The following STXBP4 variants were observed in gnomAD, a reference collection of about 807,000 sequenced individuals.
The protein encoded by STXBP4 is syntaxin binding protein 4, also known as syntaxin-binding protein 4.
A neutral mutation model predicts 76.1 loss-of-function variants in STXBP4; 55 were observed. That is an observed-to-expected ratio of 0.72 (90% CI 0.58 to 0.91). The LOEUF is 0.91. STXBP4 is among the 40% of genes least tolerant of loss of function. STXBP4 has a pLI of 0.00. For synonymous variants in STXBP4, 201 were observed against 220.2 expected (o/e 0.91, Z 0.77); for missense variants, 618 against 636.9 (o/e 0.97, Z 0.32).
chr17:55,173,863 CAGAG>C (rs1176665604), downstream of STXBP4, among the ~76,000 whole-genome samples: 3 of 152,308 alleles, frequency 2.0e-5, no homozygotes, highest in East Asian at 5.8e-4. Context: ...TGGTGGCCGT[CAGAG>C]AGAATCCATT....
At chr17:55,175,782 CAAG>C (rs1320059666), downstream of STXBP4, among the ~76,000 whole-genome samples, 2 of 152,156 alleles carry the variant, frequency 1.3e-5, no homozygotes, top group African/African-American at 4.8e-5. Context: ...AGTGTCAAAG[CAAG>C]AAGGATAGAA....
intron 7 of STXBP4, among the ~76,000 whole-genome samples, chr17:55,001,740 C>T (rs922180778): frequency 1.3e-5 from 2 of 152,168 alleles, no homozygotes; most frequent in African/African-American, 4.8e-5. Context: ...TCACGCCATT[C>T]TCCTGCCTCA....
intron 16 of STXBP4, among the ~76,000 whole-genome samples, chr17:55,131,896 G>A (rs953961543): frequency 1.3e-5 from 2 of 152,088 alleles, no homozygotes; most frequent in Non-Finnish European, 2.9e-5. Flanking sequence ...CTGAGTGTCT[G>A]GGACTATAAG....
intron 16 of STXBP4, among the ~76,000 whole-genome samples, chr17:55,131,171 C>T (rs1322687793): frequency 1.3e-5 from 2 of 152,194 alleles, no homozygotes; most frequent in African/African-American, 4.8e-5. Context: ...TGCATTCTCA[C>T]CAATGCTTAT....
At chr17:55,001,293 T>C (rs1292586060) in intron 7 of STXBP4, among the ~76,000 whole-genome samples, 1 of 152,146 alleles carries the variant, frequency 6.6e-6, no homozygotes, top group African/African-American at 2.4e-5. Context: ...ATGTATCTTG[T>C]TTTTTTGGAA....
chr17:55,209,063 C>T, the STXBP4 span, among the ~76,000 whole-genome samples: 2 of 151,886 alleles, frequency 1.3e-5, no homozygotes, highest in African/African-American at 4.8e-5. Context: ...GCCTGTGCAA[C>T]AGAGCAAGAC....
intron 16 of STXBP4, among the ~76,000 whole-genome samples, chr17:55,128,029 A>G (rs918216350): frequency 6.6e-6 from 1 of 152,190 alleles, no homozygotes; most frequent in Non-Finnish European, 1.5e-5. Context: ...CTGTTGTCAA[A>G]ATCCACAAAT....
chr17:54,996,414 G>T (rs893468702), intron 4 of STXBP4, among the ~76,000 whole-genome samples: 2 of 151,888 alleles, frequency 1.3e-5, no homozygotes, highest in Non-Finnish European at 2.9e-5. Context: ...GGTTTGGGAT[G>T]TTGAGGAGTT....
intron 16 of STXBP4, among the ~76,000 whole-genome samples, chr17:55,114,264 A>G (rs1163525946): frequency 1.3e-5 from 2 of 152,112 alleles, no homozygotes; most frequent in African/African-American, 2.4e-5. Flanking sequence ...AACTGAACTA[A>G]TATGAGAAAC....
chr17:55,209,309 G>A, the STXBP4 span, among the ~76,000 whole-genome samples: 1 of 152,132 alleles, frequency 6.6e-6, no homozygotes, highest in African/African-American at 2.4e-5. Context: ...GGAAGGAAAC[G>A]AGCTGGGAGA....
At chr17:55,105,824 G>A (rs952305666) in intron 16 of STXBP4, among the ~76,000 whole-genome samples, 1 of 152,020 alleles carries the variant, frequency 6.6e-6, no homozygotes, top group Non-Finnish European at 1.5e-5. Flanking sequence ...CTGAGAGACT[G>A]TTTGTTATGA....
chr17:55,110,550 G>C (rs2079699583), intron 16 of STXBP4, among the ~76,000 whole-genome samples: 1 of 152,182 alleles, frequency 6.6e-6, no homozygotes, highest in Non-Finnish European at 1.5e-5. Flanking sequence ...GGGGATATAT[G>C]AACAATAAGG....
rs1046717841 is a variant in STXBP4 at position 55,168,220 on chromosome 17, T to C, written c.*8309T>C. ...ATATGTGTGTGTGTGTGTGTGTATA[T>C]ATATATATCTGTGTGTATATACACA... is the stretch of plus-strand genomic sequence containing the variant. On this transcript the variant is annotated 3_prime_UTR_variant, in exon 18 of 18. Coordinates refer to ENST00000376352, the MANE Select transcript of STXBP4 (RefSeq NM_178509.6). 3.9e-5 allele frequency: 5 copies of C among 129,684 alleles called. No individual in the cohort carries two copies. Among genetic ancestry groups the C allele is most frequent in the Middle Eastern group, 3.9e-3 (1 of 254 alleles). The allele number at this position is 129,684 out of a possible 1,614,324, so 8.0% of individuals were successfully genotyped here.
chr17:55,191,042 C>T, the STXBP4 span, among the ~76,000 whole-genome samples: 2 of 152,134 alleles, frequency 1.3e-5, no homozygotes, highest in Non-Finnish European at 2.9e-5. Context: ...TTTTCAGAGC[C>T]CTTTCCAGTC....
chr17:55,022,280 A>G (rs969116121), intron 8 of STXBP4, among the ~76,000 whole-genome samples: 1 of 151,738 alleles, frequency 6.6e-6, no homozygotes, highest in African/African-American at 2.4e-5. Flanking sequence ...ATGCAGTATC[A>G]AGGCATATAT....
intron 6 of STXBP4, 103 bp downstream of exon 6, chr17:54,999,945 T>G (rs950760769): frequency 3.5e-6 from 3 of 848,852 alleles, no homozygotes; most frequent in Non-Finnish European, 5.3e-6. Context: ...GTAAAATTGT[T>G]AACAAATTAA....
At chr17:55,071,748 T>G (rs1395574541) in intron 12 of STXBP4, among the ~76,000 whole-genome samples, 2 of 152,192 alleles carry the variant, frequency 1.3e-5, no homozygotes. Context: ...TATGCCAGCA[T>G]TCCTAACCCT....
chr17:54,997,907 A>G (rs1366146904), intron 4 of STXBP4, among the ~76,000 whole-genome samples: 1 of 151,810 alleles, frequency 6.6e-6, no homozygotes, highest in Non-Finnish European at 1.5e-5. Context: ...TTAAAAATTA[A>G]GTTGACTCTT....
intron 16 of STXBP4, among the ~76,000 whole-genome samples, chr17:55,123,800 T>C (rs947310432): frequency 4.0e-5 from 6 of 151,786 alleles, no homozygotes; most frequent in Non-Finnish European, 8.8e-5. Context: ...CTTGGTAGGC[T>C]GAGGCAGGAG....
Sources: gnomAD v4.1 joint callset for allele counts (sites outside exome capture counted in the v4.1 genomes callset) on GRCh38, gnomAD v4.1.1 for gene constraint, MANE v1.5 for transcripts, NCBI Gene and HGNC (gene_info 2026-07-23, HGNC 2026-07-21) for gene names.